The following DENND11 variants were observed in gnomAD, a reference collection of about 807,000 sequenced individuals.
DENND11 encodes DENN domain-containing protein 11.
A neutral mutation model predicts 49.2 loss-of-function variants in DENND11; 34 were observed. The ratio of observed to expected loss-of-function variants is 0.69; its 90% CI spans 0.53 to 0.92. DENND11 has a LOEUF of 0.92. Ranked by LOEUF, DENND11 falls within the 40% of genes least tolerant of loss-of-function variation. The pLI, the probability that DENND11 is intolerant of heterozygous loss-of-function variation, is 0.00. For synonymous variants in DENND11, 238 were observed against 230.3 expected (o/e 1.03, Z -0.30); for missense variants, 475 against 581.6 (o/e 0.82, Z 1.88).
At chr7:141,664,281 G>GA in intron 7 of DENND11, 41 bp from the exon 8 acceptor site, 1 of 1,514,378 alleles carries the variant, frequency 6.6e-7, no homozygotes, top group Non-Finnish European at 9.0e-7. Flanking sequence ...GCAGGTACCA[G>GA]GACCGCAGTC....
chr7:141,697,319 C>G (rs544780160), intron 1 of DENND11, among the ~76,000 whole-genome samples: 1 of 152,316 alleles, frequency 6.6e-6, no homozygotes, highest in African/African-American at 2.4e-5. Context: ...ACTGACTTCA[C>G]AGCAGATGGC....
chr7:141,677,282 G>A (rs1007339970), intron 3 of DENND11, among the ~76,000 whole-genome samples: 1 of 151,420 alleles, frequency 6.6e-6, no homozygotes, highest in Non-Finnish European at 1.5e-5. Flanking sequence ...AGCTACTCGG[G>A]AGGCTGAGGC....
At chr7:141,693,437 T>G (rs1040116394) in intron 1 of DENND11, among the ~76,000 whole-genome samples, 2 of 152,146 alleles carry the variant, frequency 1.3e-5, no homozygotes, top group Non-Finnish European at 2.9e-5. Flanking sequence ...AGTTTGGCAG[T>G]TTTTTACAAA....
intron 1 of DENND11, among the ~76,000 whole-genome samples, chr7:141,690,592 G>A (rs12671304): frequency 6.6e-6 from 1 of 152,218 alleles, no homozygotes; most frequent in East Asian, 1.9e-4. Flanking sequence ...ATTGAACTTT[G>A]ACCAACACAA....
chr7:141,674,071 A>G lies in DENND11; in HGVS notation c.677T>C (p.Met226Thr). 1 of 1,605,684 alleles carries G rather than the reference A, an allele frequency of 6.2e-7. No homozygotes were observed. The change falls in exon 4 of 9, where the codon ATG (methionine) becomes ACG (threonine). Residue 226 changes from methionine (M) to threonine (T), a missense_variant. Transcript: ENST00000536163. ...GAAAAGCAGGGCTAACCTCACCTTC[A>G]TCTCAGGGTACATGTATCGGTGGAT... is the stretch of plus-strand genomic sequence containing the variant. ...PSIHRYMYPEMKITHPAGCMS... is the reference protein window; with the variant it reads ...PSIHRYMYPETKITHPAGCMS...
At chr7:141,682,146 C>A (rs914158240) in intron 3 of DENND11, among the ~76,000 whole-genome samples, 19 of 152,132 alleles carry the variant, frequency 1.2e-4, no homozygotes, top group African/African-American at 4.6e-4. Context: ...GTAAGAAGAA[C>A]CATGCCCTGG....
Position 141,687,610 on chromosome 7 carries a change from G to A in DENND11, c.269-952C>T, listed in dbSNP as rs1048693711. Reference sequence around the variant, plus strand: ...CTCCCACGTAGCTGGGATTACAGGCGCATACCAGCACACTCGGCTAATTTT... The same window carrying A: ...CTCCCACGTAGCTGGGATTACAGGCACATACCAGCACACTCGGCTAATTTT... On this transcript the variant is annotated intron_variant, in intron 1 of 8. Transcript: ENST00000536163. Among the ~76,000 whole-genome samples the A allele has an allele frequency of 5.4e-5, 8 of 147,342 alleles. No individual in the cohort carries two copies. The East Asian group carries it at 1.0e-3, about 19-fold the overall frequency.
chr7:141,679,950 C>G (rs1324086428), intron 3 of DENND11, among the ~76,000 whole-genome samples: 1 of 152,196 alleles, frequency 6.6e-6, no homozygotes, highest in Non-Finnish European at 1.5e-5. Flanking sequence ...AACAGGCATT[C>G]TCTTGCATTA....
chr7:141,699,651 C>T (rs1798474451), intron 1 of DENND11, among the ~76,000 whole-genome samples: 1 of 152,158 alleles, frequency 6.6e-6, no homozygotes, highest in Non-Finnish European at 1.5e-5. Flanking sequence ...GGATCAGGTG[C>T]CAGGGAGCAG....
chr7:141,675,076 C>T (rs756904382), intron 3 of DENND11, among the ~76,000 whole-genome samples: 3 of 152,182 alleles, frequency 2.0e-5, no homozygotes, highest in Non-Finnish European at 4.4e-5. Context: ...CATAGGTAAT[C>T]AAGTTAAAAT....
rs1797765992 is a variant in DENND11 at position 141,660,069 on chromosome 7, A to G, written c.*2587T>C. 1 of 152,162 alleles carries G rather than the reference A, an allele frequency of 6.6e-6. No individual in the cohort carries two copies. The highest frequency in any genetic ancestry group is 6.5e-5 in the Admixed American group (1 of 15,274). 9.4% of individuals were successfully genotyped at this position (152,162 alleles called of 1,614,324 possible). A position where few individuals can be genotyped will look rare whatever the true frequency, so the allele number is the denominator to read the frequency against. ...AATCTGGCATAGAGCAAGGCTTCGA[A>G]AGGTGATTTCCGAAGCCACAGGCTC... is the stretch of plus-strand genomic sequence containing the variant. On this transcript the variant is annotated 3_prime_UTR_variant, in exon 9 of 9. Coordinates refer to ENST00000536163, the MANE Select transcript of DENND11 (RefSeq NM_001080392.2).
intron 1 of DENND11, among the ~76,000 whole-genome samples, chr7:141,700,726 C>T (rs1290643305): frequency 6.6e-6 from 1 of 152,088 alleles, no homozygotes; most frequent in Non-Finnish European, 1.5e-5. Context: ...GCAAATGGAG[C>T]TCCACAGTGA....
chr7:141,696,099 C>T (rs1237918214), intron 1 of DENND11, among the ~76,000 whole-genome samples: 6 of 152,196 alleles, frequency 3.9e-5, no homozygotes, highest in South Asian at 2.1e-4. Context: ...AGGTCAGTGT[C>T]GCGCCTGGCT....
At chr7:141,672,611 T>C (rs1798000684) in intron 4 of DENND11, among the ~76,000 whole-genome samples, 1 of 152,238 alleles carries the variant, frequency 6.6e-6, no homozygotes, top group Admixed American at 6.5e-5. Context: ...CCCCTAACCC[T>C]GGCTGAAACC....
intron 1 of DENND11, among the ~76,000 whole-genome samples, chr7:141,689,793 A>G (rs1328693084): frequency 6.6e-6 from 1 of 152,206 alleles, no homozygotes; most frequent in Non-Finnish European, 1.5e-5. Context: ...TTTCTACAAA[A>G]TGTAATTATA....
chr7:141,680,569 C>A (rs981124451), intron 3 of DENND11, among the ~76,000 whole-genome samples: 3 of 151,834 alleles, frequency 2.0e-5, no homozygotes, highest in Non-Finnish European at 4.4e-5. Context: ...GATTGCCTTG[C>A]TACTATGTGT....
intron 3 of DENND11, among the ~76,000 whole-genome samples, chr7:141,685,026 AAAAAT>A (rs1226507845): frequency 1.2e-3 from 118 of 101,646 alleles, no homozygotes; most frequent in African/African-American, 3.8e-3. Flanking sequence ...AAAAAAAAAA[AAAAAT>A]ATATATATAT....
chr7:141,682,613 T>G (rs1269624555), intron 3 of DENND11, among the ~76,000 whole-genome samples: 1 of 152,184 alleles, frequency 6.6e-6, no homozygotes, highest in East Asian at 1.9e-4. Context: ...AAACCATTCT[T>G]AGGATACGGT....
At chr7:141,665,730 C>T (rs749619184) in intron 5 of DENND11, among the ~76,000 whole-genome samples, 5 of 152,066 alleles carry the variant, frequency 3.3e-5, no homozygotes, top group African/African-American at 7.3e-5. Flanking sequence ...CCCCAGGTAA[C>T]GCTGTCCATC....
Sources: gnomAD v4.1 joint callset for allele counts (sites outside exome capture counted in the v4.1 genomes callset) on GRCh38, gnomAD v4.1.1 for gene constraint, MANE v1.5 for transcripts, NCBI Gene and HGNC (gene_info 2026-07-23, HGNC 2026-07-21) for gene names.